EXOC3L1: variants seen among roughly 807,000 people sequenced by gnomAD.
The protein encoded by EXOC3L1 is exocyst complex component 3-like protein.
Under a neutral mutation model 83.6 loss-of-function variants are expected in EXOC3L1, and 79 were observed. The ratio of observed to expected loss-of-function variants is 0.95; its 90% CI spans 0.79 to 1.14. The LOEUF (loss-of-function observed/expected upper bound fraction) is 1.14. EXOC3L1 is among the 50% of genes most tolerant of loss of function. EXOC3L1 has a pLI of 0.00. For synonymous variants in EXOC3L1, 433 were observed against 451.2 expected (o/e 0.96, Z 0.51); for missense variants, 945 against 972.0 (o/e 0.97, Z 0.37).
chr16:67,186,912 A>T, intron 6 of EXOC3L1, 28 bp from the exon 7 acceptor site: 1 of 1,613,368 alleles, frequency 6.2e-7, no homozygotes, highest in Non-Finnish European at 8.5e-7. Context: ...GGGCAAAGGA[A>T]TGTAGCAGGG....
rs970424343 is a variant in EXOC3L1 at position 67,189,569 on chromosome 16, G to A, written c.46+62C>T. 2.3e-5 allele frequency: 37 copies of A among 1,592,736 alleles called. No individual in the cohort carries two copies. In the East Asian group the frequency reaches 3.4e-4, roughly 14 times the overall value. ...TGGGATTACAGGCGTGAGCCACTGC[G>A]CCCAGCCAGTCCCATCTTTGTTGCC... On this transcript the variant is annotated intron_variant, in intron 2 of 13. Coordinates refer to ENST00000314586, the MANE Select transcript of EXOC3L1 (RefSeq NM_178516.4).
In EXOC3L1 at chr16:67,187,001, C is replaced by T. The variant is rs1453109149; in HGVS notation, c.1158+20G>A. The T allele has an allele frequency of 1.9e-6, 3 of 1,613,242 alleles. No homozygotes were observed. Among genetic ancestry groups the T allele is most frequent in the Non-Finnish European group, 2.5e-6 (3 of 1,179,814 alleles). ...AGCAGATAAGTAGGACTTCTCTGGA[C>T]CTGTGCCTCAACTACTCACCTGGAT... On this transcript the variant is annotated intron_variant, in intron 6 of 13. Transcript: ENST00000314586.
rs775693031 is a variant in EXOC3L1 at position 67,185,304 on chromosome 16, C to T, written c.1627-46G>A. On this transcript the variant is annotated intron_variant, in intron 10 of 13. Coordinates refer to ENST00000314586, the MANE Select transcript of EXOC3L1 (RefSeq NM_178516.4). The stretch of plus-strand genomic sequence containing the variant: ...TGGCATTGCCGCGGAGACCCCCATA[C>T]GTAGCTGTACCGCCACCTCTCCACC... 2.5e-6 allele frequency: 4 copies of T among 1,613,140 alleles called. No homozygotes were observed. In the South Asian group the frequency reaches 3.3e-5, roughly 13 times the overall value.
chr16:67,187,572 A>G lies in EXOC3L1; in HGVS notation c.693T>C (p.Thr231=). The G allele has an allele frequency of 1.2e-6, 2 of 1,604,942 alleles. No individual in the cohort carries two copies. Among genetic ancestry groups the G allele is most frequent in the South Asian group, 1.1e-5 (1 of 90,916 alleles). ...CCTGGCCCAGGGGGGTTGTTCGTCC[A>G]GTCTCCACCTCCGCCACACGCACAG... ...VAAVRVAEVE[T]GRTTPLGQVP... The change falls in exon 5 of 14, where the codon ACT becomes ACC. Residue 231 remains threonine (T), a synonymous_variant. Coordinates refer to ENST00000314586, the MANE Select transcript of EXOC3L1 (RefSeq NM_178516.4).
chr16:67,186,203 G>T, intron 9 of EXOC3L1, 34 bp downstream of exon 9: 1 of 1,431,736 alleles, frequency 7.0e-7, no homozygotes, highest in Non-Finnish European at 9.6e-7. Flanking sequence ...TAGGGGGTTA[G>T]TGAAGGTGGG....
chr16:67,185,473 A>G lies in EXOC3L1; in HGVS notation c.1514T>C (p.Leu505Pro). ...KSALSSSVSV[L>P]QLDGAPSGAL... ...CCCTGAAGGCGCCCCGTCCAGCTGC[A>G]GGACAGACACTGAGGAGCTGGACCA... Residue 505 changes from leucine to proline, a missense_variant, in exon 10 of 14, where the codon CTG becomes CCG. Transcript: ENST00000314586. The G allele has an allele frequency of 6.2e-7, 1 of 1,609,158 alleles. No homozygotes were observed. Among genetic ancestry groups the G allele is most frequent in the Non-Finnish European group, 8.5e-7 (1 of 1,179,982 alleles).
Position 67,184,515 on chromosome 16 carries a change from A to T in EXOC3L1, c.2120T>A (p.Leu707Gln). Residue 707 changes from leucine to glutamine, a missense_variant, in exon 14 of 14, where the codon CTG becomes CAG. Leu to Gln is a moderately radical substitution (Grantham distance 113). Transcript: ENST00000314586. Reference protein sequence around the residue: ...LAALSSLQAALPPSPRASRRV... With the variant: ...LAALSSLQAAQPPSPRASRRV... ...GCGGCTCGCGCGGGGCGACGGCGGC[A>T]GCGCAGCCTGCAGGGAGCTGAGCGC... 1 of 1,520,066 alleles carries T rather than the reference A, an allele frequency of 6.6e-7. No homozygotes were observed. Among genetic ancestry groups the T allele is most frequent in the South Asian group, 1.2e-5 (1 of 82,286 alleles). The allele number at this position is 1,520,066 out of a possible 1,614,324, so 94.2% of individuals were successfully genotyped here.
At position 67,184,906 on chromosome 16, in the gene EXOC3L1, C is replaced by A; in HGVS notation, c.1901G>T (p.Ser634Ile). The change falls in exon 12 of 14, where the codon AGT becomes ATT. Residue 634 changes from serine to isoleucine, a missense_variant. Ser to Ile is a moderately radical substitution (Grantham distance 142). Coordinates refer to ENST00000314586, the MANE Select transcript of EXOC3L1 (RefSeq NM_178516.4). The stretch of plus-strand genomic sequence containing the variant: ...GCCCGCCCAAGAAGCTCTCACCAAA[C>A]TGAGGAAAAGCTGCTGAAGCTGGGC... ...DAAQLQQLFLSLGLEENAHCA... is the reference protein window; with the variant it reads ...DAAQLQQLFLILGLEENAHCA... 6.2e-7 allele frequency: 1 copy of A among 1,612,440 alleles called. No homozygotes were observed. The highest frequency in any genetic ancestry group is 1.3e-5 in the African/African-American group (1 of 75,050).
intron 2 of EXOC3L1, 134 bp downstream of exon 2, chr16:67,189,497 G>A: frequency 9.3e-7 from 1 of 1,080,250 alleles, no homozygotes. Flanking sequence ...GGTTGGTTTG[G>A]AGCTCCTGAC....
intron 2 of EXOC3L1, 151 bp downstream of exon 2, chr16:67,189,480 T>C: frequency 1.1e-6 from 1 of 886,418 alleles, no homozygotes. Context: ...TTTCACTATG[T>C]TGGCCAGGTT....
intron 2 of EXOC3L1, 30 bp downstream of exon 2, chr16:67,189,601 C>A (rs1224579293): frequency 1.2e-6 from 2 of 1,613,406 alleles, no homozygotes; most frequent in Admixed American, 1.7e-5. Flanking sequence ...TGCCATCATT[C>A]CTCCCCTAGT....
Position 67,185,649 on chromosome 16 carries a change from T to G in EXOC3L1, c.1497-159A>C, listed in dbSNP as rs996756157. ...TCTGGTCCCAGGCATGGACCAGGGCTGGGAGACGGGCGCTTGGCGAGCTGC... is the reference window on the plus strand; with the variant it reads ...TCTGGTCCCAGGCATGGACCAGGGCGGGGAGACGGGCGCTTGGCGAGCTGC... On this transcript the variant is annotated intron_variant, in intron 9 of 13. Coordinates refer to ENST00000314586, the MANE Select transcript of EXOC3L1 (RefSeq NM_178516.4). 8 of 673,958 alleles carry G rather than the reference T, an allele frequency of 1.2e-5. No homozygotes were observed. In the African/African-American group the frequency reaches 1.4e-4, roughly 12 times the overall value. The allele number at this position is 673,958 out of a possible 1,614,324, so 41.7% of individuals were successfully genotyped here.
At position 67,184,540 on chromosome 16, in the gene EXOC3L1, C is replaced by T; in HGVS notation, c.2095G>A (p.Ala699Thr). Residue 699 changes from alanine (A) to threonine (T), a missense_variant, in exon 14 of 14, where the codon GCG (alanine) becomes ACG (threonine). By Grantham distance (58) the Ala-to-Thr change is moderately conservative. Transcript: ENST00000314586. ...GDLSREQHLA[A>T]LSSLQAALPP... ...AGCGCAGCCTGCAGGGAGCTGAGCG[C>T]GGCCAGGTGCTGCTCCCGGGACAAG... 6.6e-6 allele frequency: 10 copies of T among 1,524,846 alleles called. No individual in the cohort carries two copies. Among genetic ancestry groups the T allele is most frequent in the Non-Finnish European group, 8.7e-6 (10 of 1,143,208 alleles). 94.5% of individuals were successfully genotyped at this position (1,524,846 alleles called of 1,614,324 possible). A position where few individuals can be genotyped will look rare whatever the true frequency, so the allele number is the denominator to read the frequency against.
At position 67,189,001 on chromosome 16, in the gene EXOC3L1, C is replaced by T. The variant is rs552845336; in HGVS notation, c.207+19G>A. 3 of 1,603,700 alleles carry T rather than the reference C, an allele frequency of 1.9e-6. No individual in the cohort carries two copies. The highest frequency in any genetic ancestry group is 1.3e-5 in the African/African-American group (1 of 74,850). ...CTGCAGCACAGTCCCAGCACCCGCA[C>T]CCCCTGCCCCATGCCCACCTTGAGG... On this transcript the variant is annotated intron_variant, in intron 3 of 13. Transcript: ENST00000314586.
chr16:67,187,270 G>A lies in EXOC3L1; in HGVS notation c.995C>T (p.Ala332Val), dbSNP rs762545783. The change falls in exon 5 of 14, where the codon GCG becomes GTG. Residue 332 changes from alanine to valine, a missense_variant. Coordinates refer to ENST00000314586, the MANE Select transcript of EXOC3L1 (RefSeq NM_178516.4). The stretch of plus-strand genomic sequence containing the variant: ...CCAGTGCAGCAAGGCGAAGGCATCC[G>A]CAGCTTCTAGCTCAGGCCCTGCAAG... ...NLLAGPELEA[A>V]DAFALLHWAL... is the part of the protein sequence containing the mutation. 6.8e-6 allele frequency: 11 copies of A among 1,612,518 alleles called. No individual in the cohort carries two copies. Among genetic ancestry groups the A allele is most frequent in the South Asian group, 3.3e-5 (3 of 91,086 alleles).
At position 67,187,575 on chromosome 16, in the gene EXOC3L1, C is replaced by G. The variant is rs1322790333; in HGVS notation, c.690G>C (p.Glu230Asp). 6.2e-7 allele frequency: 1 copy of G among 1,605,150 alleles called. No homozygotes were observed. Among genetic ancestry groups the G allele is most frequent in the Non-Finnish European group, 8.5e-7 (1 of 1,178,808 alleles). ...LVAAVRVAEV[E>D]TGRTTPLGQV... ...GGCCCAGGGGGGTTGTTCGTCCAGT[C>G]TCCACCTCCGCCACACGCACAGCAG... Residue 230 changes from glutamate to aspartate, a missense_variant, in exon 5 of 14, where the codon GAG (glutamate) becomes GAC (aspartate). Transcript: ENST00000314586.
At position 67,185,434 on chromosome 16, in the gene EXOC3L1, A is replaced by C. The variant is rs768672619; in HGVS notation, c.1553T>G (p.Val518Gly). ...CTGCAACTCGTCCAGCGCAGCTTCC[A>C]CTGGAGCCAAGGCCCCTGAAGGCGC... ...DGAPSGALAPVEAALDELQRR... is the reference protein window; with the variant it reads ...DGAPSGALAPGEAALDELQRR... Residue 518 changes from valine (V) to glycine (G), a missense_variant, in exon 10 of 14, where the codon GTG (valine) becomes GGG (glycine). Transcript: ENST00000314586. The C allele has an allele frequency of 6.2e-7, 1 of 1,611,662 alleles. No homozygotes were observed. Among genetic ancestry groups the C allele is most frequent in the Non-Finnish European group, 8.5e-7 (1 of 1,179,952 alleles).
intron 6 of EXOC3L1, 41 bp from the exon 7 acceptor site, chr16:67,186,925 C>G (rs1403019805): frequency 6.2e-7 from 1 of 1,612,954 alleles, no homozygotes; most frequent in East Asian, 2.2e-5. Context: ...TAGCAGGGAT[C>G]TGACCCTGCT....
In EXOC3L1 at chr16:67,186,814, G is replaced by A. The variant is rs142130664; in HGVS notation, c.1229C>T (p.Pro410Leu). ...ATAGGAGCCAGACGGGTCTGTGTTG[G>A]GCCCATGCTCCCGGCCCCACTCAGC... ...EVAEWGREHG[P>L]NTDPSGSYYS... Residue 410 changes from proline (P) to leucine (L), a missense_variant, in exon 7 of 14, where the codon CCC becomes CTC. Transcript: ENST00000314586. The A allele has an allele frequency of 6.2e-7, 1 of 1,613,682 alleles. No homozygotes were observed. Among genetic ancestry groups the A allele is most frequent in the Non-Finnish European group, 8.5e-7 (1 of 1,180,022 alleles).
Sources: gnomAD v4.1 joint callset for allele counts on GRCh38, gnomAD v4.1.1 for gene constraint, MANE v1.5 for transcripts, NCBI Gene and HGNC (gene_info 2026-07-23, HGNC 2026-07-21) for gene names.